CAMK1D: variants seen among roughly 807,000 people sequenced by gnomAD.
CAMK1D encodes calcium/calmodulin-dependent protein kinase type 1D.
In CAMK1D, 9 loss-of-function variants were observed where a neutral mutation model predicts 47.7. The ratio of observed to expected loss-of-function variants is 0.19; its 90% CI spans 0.11 to 0.33. The LOEUF (loss-of-function observed/expected upper bound fraction) is 0.33, where lower values mean the gene tolerates loss of function less well. Among genes scored for constraint, CAMK1D ranks in the 10% least tolerant of loss-of-function variants. CAMK1D has a pLI of 1.00. For missense variants in CAMK1D, 291 were observed against 488.7 expected (o/e 0.60, Z 3.81); for synonymous variants, 184 against 184.9 (o/e 0.99, Z 0.04).
At chr10:12,735,563 C>T (rs1399443753) in intron 3 of CAMK1D, among the ~76,000 whole-genome samples, 1 of 152,202 alleles carries the variant, frequency 6.6e-6, no homozygotes, top group Non-Finnish European at 1.5e-5. Flanking sequence ...CGCCACTGCC[C>T]TTCGATGCCG....
In CAMK1D at chr10:12,571,472, G is replaced by GA. The variant is rs1171267177; in HGVS notation, c.224+18124dup. Among the ~76,000 whole-genome samples, 115 of 119,994 alleles carry GA rather than the reference G, an allele frequency of 9.6e-4. No individual in the cohort carries two copies. The East Asian group carries it at 0.017, about 18-fold the overall frequency. 78.7% of individuals were successfully genotyped at this position (119,994 alleles called of 152,430 possible). A position where few individuals can be genotyped will look rare whatever the true frequency, so the allele number is the denominator to read the frequency against. On this transcript the variant is annotated intron_variant, in intron 2 of 10. Coordinates refer to ENST00000619168, the MANE Select transcript of CAMK1D (RefSeq NM_153498.4). The stretch of plus-strand genomic sequence containing the variant: ...CCATCACAAAAAAAAAAAAAAAAAA[G>GA]AAAAAAAAGAAATAAAGAAATGCTC...
intron 3 of CAMK1D, among the ~76,000 whole-genome samples, chr10:12,747,906 A>C (rs1290163511): frequency 6.6e-6 from 1 of 152,202 alleles, no homozygotes; most frequent in Non-Finnish European, 1.5e-5. Context: ...TCTTTGAATG[A>C]GGCCCACTCT....
intron 2 of CAMK1D, among the ~76,000 whole-genome samples, chr10:12,570,965 T>TG (rs1837306249): frequency 6.6e-6 from 1 of 151,430 alleles, no homozygotes; most frequent in Non-Finnish European, 1.5e-5. Flanking sequence ...AAAAAAAAGA[T>TG]CCATGAGGAC....
chr10:12,385,011 A>T (rs980663957), intron 1 of CAMK1D, among the ~76,000 whole-genome samples: 1 of 152,276 alleles, frequency 6.6e-6, no homozygotes, highest in Non-Finnish European at 1.5e-5. Flanking sequence ...GATGCCCAAC[A>T]TCTTTAGCCA....
intron 1 of CAMK1D, among the ~76,000 whole-genome samples, chr10:12,414,678 G>A (rs1839783798): frequency 6.6e-6 from 1 of 152,216 alleles, no homozygotes; most frequent in African/African-American, 2.4e-5. Context: ...TTTAGGCAAA[G>A]TGTTGAAGAA....
intron 1 of CAMK1D, among the ~76,000 whole-genome samples, chr10:12,479,668 T>C (rs2132095071): frequency 6.6e-6 from 1 of 152,234 alleles, no homozygotes; most frequent in Admixed American, 6.5e-5. Flanking sequence ...CTTTAGAGTA[T>C]GTACAGCTCA....
rs576883293 is a variant in CAMK1D at position 12,468,369 on chromosome 10, T to C, written c.93-84856T>C. On this transcript the variant is annotated intron_variant, in intron 1 of 10. Transcript: ENST00000619168. ...GAGCCACTGAGCCCGGCCTCAAATA[T>C]GGTTTTTAAAAGCAATTTTAAAGTG... 1.3e-4 allele frequency among the ~76,000 whole-genome samples: 20 copies of C among 152,268 alleles called. No individual in the cohort carries two copies. The South Asian group carries it at 4.1e-3, about 32-fold the overall frequency.
intron 1 of CAMK1D, among the ~76,000 whole-genome samples, chr10:12,496,303 T>C (rs900318163): frequency 1.3e-5 from 2 of 152,244 alleles, no homozygotes; most frequent in Non-Finnish European, 1.5e-5. Flanking sequence ...CATAGAACTA[T>C]GACTGCACAT....
chr10:12,755,296 C>T (rs1181575181), intron 3 of CAMK1D, among the ~76,000 whole-genome samples: 2 of 152,088 alleles, frequency 1.3e-5, no homozygotes. Context: ...CGATTATAGG[C>T]ACCAGTGTGG....
chr10:12,384,163 T>C (rs1838423497), intron 1 of CAMK1D, among the ~76,000 whole-genome samples: 1 of 152,240 alleles, frequency 6.6e-6, no homozygotes, highest in African/African-American at 2.4e-5. Flanking sequence ...GTTCAAGCCT[T>C]GCACATTGCA....
chr10:12,352,971 T>C (rs1330185332), intron 1 of CAMK1D, among the ~76,000 whole-genome samples: 1 of 152,064 alleles, frequency 6.6e-6, no homozygotes, highest in Non-Finnish European at 1.5e-5. Context: ...TCTCCTGACC[T>C]CATGATCCGC....
intron 3 of CAMK1D, among the ~76,000 whole-genome samples, chr10:12,722,905 T>C (rs531966868): frequency 6.6e-6 from 1 of 152,302 alleles, no homozygotes; most frequent in African/African-American, 2.4e-5. Flanking sequence ...TGACAGAATA[T>C]TGAAAGTGTT....
chr10:12,401,821 G>T (rs1839235371), intron 1 of CAMK1D, among the ~76,000 whole-genome samples: 1 of 151,840 alleles, frequency 6.6e-6, no homozygotes, highest in Admixed American at 6.6e-5. Flanking sequence ...TGGCATTCAG[G>T]CATGTATAGG....
chr10:12,678,955 G>A (rs1840901929), intron 3 of CAMK1D, among the ~76,000 whole-genome samples: 2 of 152,036 alleles, frequency 1.3e-5, no homozygotes, highest in South Asian at 4.1e-4. Context: ...TAGAGACAGG[G>A]TTTCACCATG....
In CAMK1D at chr10:12,716,140, A is replaced by G. The variant is rs570806260; in HGVS notation, c.300-44808A>G. On this transcript the variant is annotated intron_variant, in intron 3 of 10. Coordinates refer to ENST00000619168, the MANE Select transcript of CAMK1D (RefSeq NM_153498.4). ...GAGGGGACACCTTCCTGGCGCCTCT[A>G]TGATACCGCCTCGCACTTTATCTCT... Among the ~76,000 whole-genome samples, 11 of 152,180 alleles carry G rather than the reference A, an allele frequency of 7.2e-5. No individual in the cohort carries two copies. In the East Asian group the frequency reaches 1.4e-3, roughly 19 times the overall value.
intron 1 of CAMK1D, among the ~76,000 whole-genome samples, chr10:12,488,490 G>T (rs1834280544): frequency 6.6e-6 from 1 of 152,134 alleles, no homozygotes; most frequent in South Asian, 2.1e-4. Flanking sequence ...ACCAGGGACT[G>T]GTTTCATGGA....
intron 1 of CAMK1D, among the ~76,000 whole-genome samples, chr10:12,501,662 G>A (rs1021397265): frequency 3.3e-5 from 5 of 151,802 alleles, no homozygotes; most frequent in Admixed American, 6.6e-5. Flanking sequence ...TTTTTTTCCC[G>A]CCAGGGGACA....
intron 2 of CAMK1D, among the ~76,000 whole-genome samples, chr10:12,631,841 G>C (rs185863911): frequency 6.6e-6 from 1 of 152,200 alleles, no homozygotes. Flanking sequence ...TGACAGGATA[G>C]AGCGTGAGGA....
chr10:12,427,087 C>T (rs541143572), intron 1 of CAMK1D, among the ~76,000 whole-genome samples: 6 of 152,250 alleles, frequency 3.9e-5, no homozygotes, highest in South Asian at 2.1e-4. Context: ...TGGGCTCAAG[C>T]GATCCTCCTG....
Sources: allele counts gnomAD v4.1 joint callset (sites outside exome capture counted in the v4.1 genomes callset), GRCh38; gene constraint gnomAD v4.1.1; transcripts MANE v1.5; gene names NCBI Gene and HGNC (gene_info 2026-07-23, HGNC 2026-07-21).